PDZD2: variants seen among roughly 807,000 people sequenced by gnomAD.
PDZD2 encodes PDZ domain containing 2, also known as PDZ domain-containing protein 2.
In PDZD2, 90 loss-of-function variants were observed where a neutral mutation model predicts 220.7. The ratio of observed to expected loss-of-function variants is 0.41; its 90% CI spans 0.34 to 0.49. The LOEUF (loss-of-function observed/expected upper bound fraction) is 0.49, where lower values mean the gene tolerates loss of function less well. Among genes scored for constraint, PDZD2 ranks in the 20% least tolerant of loss-of-function variants. The pLI, the probability that PDZD2 is intolerant of heterozygous loss-of-function variation, is 0.28. For missense variants in PDZD2, 3,174 were observed against 3,608.5 expected (o/e 0.88, Z 3.08); for synonymous variants, 1,375 against 1,450.5 (o/e 0.95, Z 1.18).
At chr5:31,968,870 A>AT (rs11428628) in intron 2 of PDZD2, among the ~76,000 whole-genome samples, 152,320 of 152,320 alleles carry the variant, frequency 1, 76,160 homozygotes, top group Non-Finnish European at 1. Flanking sequence ...GCCTACAGTA[A>AT]TTGTTACAGC....
intron 2 of PDZD2, among the ~76,000 whole-genome samples, chr5:31,972,137 G>T (rs931327923): frequency 1.3e-5 from 2 of 152,134 alleles, no homozygotes; most frequent in South Asian, 4.1e-4. Context: ...GTTTCGTTGA[G>T]GGTTTCACTC....
At chr5:31,663,201 G>T (rs1226889563) in intron 1 of PDZD2, among the ~76,000 whole-genome samples, 1 of 152,176 alleles carries the variant, frequency 6.6e-6, no homozygotes, top group East Asian at 1.9e-4. Context: ...AATAGTAAAA[G>T]ACTTGCAAGG....
chr5:31,776,666 T>A (rs949224877), intron 1 of PDZD2, among the ~76,000 whole-genome samples: 2 of 129,822 alleles, frequency 1.5e-5, no homozygotes, highest in Non-Finnish European at 3.3e-5. Context: ...TTATTTATTT[T>A]GAGACGGAGT....
At chr5:31,913,248 C>T (rs1441238674) in intron 2 of PDZD2, among the ~76,000 whole-genome samples, 1 of 150,960 alleles carries the variant, frequency 6.6e-6, no homozygotes, top group Middle Eastern at 3.2e-3. Flanking sequence ...GGCTGAGGCA[C>T]AACAATTGCT....
At chr5:31,893,718 C>T (rs1350840283) in intron 2 of PDZD2, among the ~76,000 whole-genome samples, 28 of 152,092 alleles carry the variant, frequency 1.8e-4, no homozygotes, top group Admixed American at 1.8e-3. Flanking sequence ...TTCTATTCTT[C>T]TTATACTGGG....
intron 2 of PDZD2, chr5:31,936,187 G>T (rs944660518): frequency 2.0e-6 from 2 of 987,678 alleles, no homozygotes; most frequent in East Asian, 1.1e-4. Context: ...GTTGGAGCAC[G>T]CATGGCGCAG....
At chr5:32,031,918 A>G (rs1755151921) in intron 6 of PDZD2, among the ~76,000 whole-genome samples, 2 of 152,196 alleles carry the variant, frequency 1.3e-5, no homozygotes, top group African/African-American at 4.8e-5. Context: ...TACAGGCACA[A>G]TCCGTGCTGC....
intron 2 of PDZD2, among the ~76,000 whole-genome samples, chr5:31,888,857 G>A (rs1052925765): frequency 2.6e-5 from 4 of 152,220 alleles, no homozygotes; most frequent in East Asian, 3.9e-4. Flanking sequence ...TCTCACCATC[G>A]GGAGAGTGGT....
intron 2 of PDZD2, among the ~76,000 whole-genome samples, chr5:31,931,199 T>A (rs1387064878): frequency 1.3e-5 from 2 of 152,244 alleles, no homozygotes; most frequent in Middle Eastern, 3.4e-3. Context: ...ATTTTTGTAT[T>A]TTTAGTAGAG....
At chr5:31,898,157 C>G (rs1741743223) in intron 2 of PDZD2, among the ~76,000 whole-genome samples, 1 of 152,198 alleles carries the variant, frequency 6.6e-6, no homozygotes, top group Non-Finnish European at 1.5e-5. Context: ...ATGAATTATA[C>G]CAAAAGTACA....
At chr5:31,749,224 C>T (rs1476901625) in intron 1 of PDZD2, among the ~76,000 whole-genome samples, 1 of 152,160 alleles carries the variant, frequency 6.6e-6, no homozygotes, top group Non-Finnish European at 1.5e-5. Context: ...AAGGATATTT[C>T]ACCTGTGCAT....
intron 6 of PDZD2, among the ~76,000 whole-genome samples, chr5:32,022,804 G>A (rs539457272): frequency 1.1e-4 from 16 of 152,172 alleles, no homozygotes; most frequent in Non-Finnish European, 1.8e-4. Flanking sequence ...TTCAGACTAT[G>A]GAATTTTGAC....
At chr5:31,855,031 A>T (rs957743198) in intron 2 of PDZD2, 4 of 985,194 alleles carry the variant, frequency 4.1e-6, no homozygotes, top group Admixed American at 6.1e-5. Context: ...GGCCGCCTGC[A>T]GGTGATTAGG....
chr5:31,878,555 C>CTTTT (rs397884384), intron 2 of PDZD2, among the ~76,000 whole-genome samples: 1,069 of 48,130 alleles, frequency 0.022, 271 homozygotes, highest in Middle Eastern at 0.083. Flanking sequence ...ATGACCTCGG[C>CTTTT]TTTTTTTTTT....
Position 32,108,230 on chromosome 5 carries a change from T to TACAG in PDZD2, c.*99_*102dup. 1.3e-6 allele frequency: 1 copy of TACAG among 749,526 alleles called. No homozygotes were observed. Among genetic ancestry groups the TACAG allele is most frequent in the Non-Finnish European group, 2.2e-6 (1 of 464,936 alleles). 46.4% of individuals were successfully genotyped at this position (749,526 alleles called of 1,614,324 possible). ...AGGTTGTTGAAATGGCCAACACTGGTACAGACACGGACTATAAAAATCTCC... is the reference window on the plus strand; with the variant it reads ...AGGTTGTTGAAATGGCCAACACTGGTACAGACAGACACGGACTATAAAAATCTCC... On this transcript the variant is annotated 3_prime_UTR_variant, in exon 25 of 25. Transcript: ENST00000438447.
chr5:32,109,978 C>T lies in PDZD2; in HGVS notation c.*1843C>T, dbSNP rs930148039. On this transcript the variant is annotated 3_prime_UTR_variant, in exon 25 of 25. Coordinates refer to ENST00000438447, the MANE Select transcript of PDZD2 (RefSeq NM_178140.4). ...AAAGGTCTTATTGATTTTACTTCTA[C>T]TTTTCACTACAGTTACAGGTAGAAT... 1 of 152,610 alleles carries T rather than the reference C, an allele frequency of 6.6e-6. No homozygotes were observed. Among genetic ancestry groups the T allele is most frequent in the Non-Finnish European group, 1.5e-5 (1 of 68,034 alleles). The allele number at this position is 152,610 out of a possible 1,614,324, so 9.5% of individuals were successfully genotyped here. A position where few individuals can be genotyped will look rare whatever the true frequency, so the allele number is the denominator to read the frequency against.
rs1751090110 is a variant in PDZD2 at position 31,990,065 on chromosome 5, C to A, written c.979-5511C>A. 2.0e-5 allele frequency among the ~76,000 whole-genome samples: 3 copies of A among 152,200 alleles called. No individual in the cohort carries two copies. The South Asian group carries it at 6.2e-4, about 31-fold the overall frequency. On this transcript the variant is annotated intron_variant, in intron 3 of 24. Transcript: ENST00000438447. ...TGACATTATGCTCACCCATTTCTTA[C>A]TGATCATTCTGAATAAGAAGGGGTA...
chr5:31,983,737 A>G (rs1750496190), intron 3 of PDZD2, 81 bp downstream of exon 3: 3 of 1,384,636 alleles, frequency 2.2e-6, no homozygotes, highest in Non-Finnish European at 3.0e-6. Flanking sequence ...CCCATGCGGG[A>G]AATACAAGCT....
chr5:31,770,244 G>C (rs1203413457), intron 1 of PDZD2, among the ~76,000 whole-genome samples: 7 of 152,148 alleles, frequency 4.6e-5, no homozygotes, highest in African/African-American at 1.7e-4. Flanking sequence ...TCAGAGTTTT[G>C]AGATCTGACA....
Sources: gnomAD v4.1 joint callset for allele counts (sites outside exome capture counted in the v4.1 genomes callset) on GRCh38, gnomAD v4.1.1 for gene constraint, MANE v1.5 for transcripts, NCBI Gene and HGNC (gene_info 2026-07-23, HGNC 2026-07-21) for gene names.